The following RNF141 variants were observed in gnomAD, a reference collection of about 807,000 sequenced individuals.
RNF141 encodes the protein C3HC4-like zinc finger protein.
Under a neutral mutation model 27.4 loss-of-function variants are expected in RNF141, and 18 were observed. The ratio of observed to expected loss-of-function variants is 0.66; its 90% CI spans 0.45 to 0.97. The LOEUF (loss-of-function observed/expected upper bound fraction) is 0.97, where lower values mean the gene tolerates loss of function less well. Among genes scored for constraint, RNF141 ranks in the 50% least tolerant of loss-of-function variants. RNF141 has a pLI of 0.00. For synonymous variants in RNF141, 97 were observed against 96.6 expected, an observed-to-expected ratio of 1.00 and a Z score of -0.02; for missense variants, 230 against 279.4, an observed-to-expected ratio of 0.82 and a Z score of 1.26.
At position 10,513,033 on chromosome 11, in the gene RNF141, G is replaced by C. The variant is rs1380598680; in HGVS notation, c.*1883C>G. 6.6e-6 allele frequency: 1 copy of C among 152,164 alleles called. No homozygotes were observed. Among genetic ancestry groups the C allele is most frequent in the Non-Finnish European group, 1.5e-5 (1 of 68,020 alleles). The allele number at this position is 152,164 out of a possible 1,614,324, so 9.4% of individuals were successfully genotyped here. A position where few individuals can be genotyped will look rare whatever the true frequency, so the allele number is the denominator to read the frequency against. On this transcript the variant is annotated 3_prime_UTR_variant, in exon 6 of 6. Transcript: ENST00000265981. The stretch of plus-strand genomic sequence containing the variant: ...AAATAGTGTGAAAACCACAAATAAA[G>C]TCTCAGTTTCTAAAGTAAGAACACA...
At position 10,514,743 on chromosome 11, in the gene RNF141, G is replaced by A. The variant is rs191766011; in HGVS notation, c.*173C>T. 8.5e-5 allele frequency: 46 copies of A among 544,346 alleles called. No individual in the cohort carries two copies. The Middle Eastern group carries it at 1.3e-3, about 16-fold the overall frequency. The allele number at this position is 544,346 out of a possible 1,614,324, so 33.7% of individuals were successfully genotyped here. A position where few individuals can be genotyped will look rare whatever the true frequency, so the allele number is the denominator to read the frequency against. ...AGTAGCAAATTTTAGTACCACAAAT[G>A]GAAGACATGGGAAGTTTATTTTTAA... is the stretch of plus-strand genomic sequence containing the variant. On this transcript the variant is annotated 3_prime_UTR_variant, in exon 6 of 6. Coordinates refer to ENST00000265981, the MANE Select transcript of RNF141 (RefSeq NM_016422.4).
chr11:10,532,459 C>G (rs527568620), intron 2 of RNF141, among the ~76,000 whole-genome samples: 1 of 148,704 alleles, frequency 6.7e-6, no homozygotes, highest in African/African-American at 2.5e-5. Context: ...ATCTCCCAAC[C>G]GAGAGACAAG....
rs774644948 is a variant in RNF141, at chr11:10,534,126, C to T, written c.33G>A (p.Leu11=). The T allele has an allele frequency of 5.1e-5, 83 of 1,613,376 alleles. No homozygotes were observed. The highest frequency in any genetic ancestry group is 6.9e-5 in the Non-Finnish European group (81 of 1,179,572). ...CTTTTTCTGGTAACTTGTTAATAAC[C>T]AACTGTGTCTGATCCGAAATTTGCT... MGQQISDQTQ[L]VINKLPEKVA... The change falls in exon 2 of 6, where the codon TTG becomes TTA. Residue 11 remains leucine (L), a synonymous_variant. Transcript: ENST00000265981.
chr11:10,515,116 CA>C, intron 5 of RNF141, 50 bp from the exon 6 acceptor site: 1 of 1,558,532 alleles, frequency 6.4e-7, no homozygotes, highest in Non-Finnish European at 8.7e-7. Flanking sequence ...TTTTTAAAAA[CA>C]GGATTTTATT....
chr11:10,518,739 A>C (rs1849862165), intron 5 of RNF141: 1 of 266,340 alleles, frequency 3.8e-6, no homozygotes, highest in East Asian at 8.3e-5. Context: ...TGTAGAAATG[A>C]GGAGAAAAAA....
intron 5 of RNF141, 137 bp downstream of exon 5, chr11:10,518,897 A>C: frequency 1.8e-6 from 1 of 571,368 alleles, no homozygotes; most frequent in Non-Finnish European, 3.1e-6. Context: ...AGTAGAAGGC[A>C]TGCCATAAAA....
At chr11:10,538,125 T>G (rs544004257) in intron 1 of RNF141, among the ~76,000 whole-genome samples, 9 of 152,372 alleles carry the variant, frequency 5.9e-5, no homozygotes, top group Non-Finnish European at 1.3e-4. Context: ...TCAGCATTGT[T>G]TTCATCTGCT....
At chr11:10,523,243 A>C (rs1849904174) in intron 4 of RNF141, among the ~76,000 whole-genome samples, 1 of 152,232 alleles carries the variant, frequency 6.6e-6, no homozygotes, top group Admixed American at 6.5e-5. Context: ...CTGAGTAATA[A>C]ATTTTCAGAA....
chr11:10,525,758 G>A (rs1023276578), intron 3 of RNF141, among the ~76,000 whole-genome samples: 1 of 152,188 alleles, frequency 6.6e-6, no homozygotes, highest in African/African-American at 2.4e-5. Flanking sequence ...ACAACCGCAT[G>A]AGATTCTACA....
At chr11:10,530,424 C>CA (rs1488099170) in intron 3 of RNF141, among the ~76,000 whole-genome samples, 1 of 151,616 alleles carries the variant, frequency 6.6e-6, no homozygotes, top group Non-Finnish European at 1.5e-5. Flanking sequence ...GATATTGAGG[C>CA]AAAAAAGAAT....
At chr11:10,522,204 G>A (rs1455311566) in intron 4 of RNF141, among the ~76,000 whole-genome samples, 1 of 152,220 alleles carries the variant, frequency 6.6e-6, no homozygotes, top group Admixed American at 6.5e-5. Flanking sequence ...AGATGGATAT[G>A]GGTCTAATGT....
intron 3 of RNF141, among the ~76,000 whole-genome samples, chr11:10,527,794 G>A (rs1316726456): frequency 1.3e-5 from 2 of 152,166 alleles, no homozygotes; most frequent in Non-Finnish European, 2.9e-5. Context: ...AGATCAGTTA[G>A]GAGGCTACTG....
At chr11:10,529,586 C>T (rs967562646) in intron 3 of RNF141, among the ~76,000 whole-genome samples, 3 of 152,098 alleles carry the variant, frequency 2.0e-5, no homozygotes, top group Non-Finnish European at 4.4e-5. Context: ...ATTTGGTAGG[C>T]AAGAAGGAAT....
chr11:10,522,444 C>T (rs981780814), intron 4 of RNF141, among the ~76,000 whole-genome samples: 13 of 152,194 alleles, frequency 8.5e-5, no homozygotes, highest in African/African-American at 3.1e-4. Flanking sequence ...GAGTCTTGTG[C>T]TGTTTGTTCC....
chr11:10,521,828 G>C lies in RNF141; in HGVS notation c.435-2687C>G, dbSNP rs186544087. Among the ~76,000 whole-genome samples, 750 of 152,248 alleles carry C rather than the reference G, an allele frequency of 4.9e-3. 13 individuals carry two copies. Among genetic ancestry groups the C allele is most frequent in the African/African-American group, 0.017 (709 of 41,554 alleles). The stretch of plus-strand genomic sequence containing the variant: ...AACCAGGAAGCTGGCATGATACTTG[G>C]GTATGGAAAACTGAGGAAAAAGATT... On this transcript the variant is annotated intron_variant, in intron 4 of 5. Coordinates refer to ENST00000265981, the MANE Select transcript of RNF141 (RefSeq NM_016422.4).
rs1039681627 is a variant in RNF141, at chr11:10,524,347, A to G, written c.434+845T>C. ...GGAGAATGGCGTGAACCCGGGAGGC[A>G]GAGCTTGCAGTGAGCCGAGATCGCG... On this transcript the variant is annotated intron_variant, in intron 4 of 5. Coordinates refer to ENST00000265981, the MANE Select transcript of RNF141 (RefSeq NM_016422.4). Among the ~76,000 whole-genome samples the G allele has an allele frequency of 2.6e-5, 4 of 152,288 alleles. No homozygotes were observed. In the East Asian group the frequency reaches 7.7e-4, roughly 29 times the overall value.
intron 4 of RNF141, among the ~76,000 whole-genome samples, chr11:10,522,085 C>A (rs1471347778): frequency 6.6e-6 from 1 of 152,098 alleles, no homozygotes; most frequent in Non-Finnish European, 1.5e-5. Context: ...GTCTAAGAAG[C>A]ATTATAAAAG....
At chr11:10,534,261 TC>T in intron 1 of RNF141, 56 bp from the exon 2 acceptor site, 1 of 1,257,812 alleles carries the variant, frequency 8.0e-7, no homozygotes, top group Non-Finnish European at 1.1e-6. Flanking sequence ...GGCAATATAC[TC>T]ATTCTTCAAA....
intron 4 of RNF141, among the ~76,000 whole-genome samples, chr11:10,520,642 A>C (rs1201445906): frequency 6.6e-6 from 1 of 152,256 alleles, no homozygotes; most frequent in Admixed American, 6.5e-5. Flanking sequence ...TAATAAATGC[A>C]TAAACCAGTA....
Sources: gnomAD v4.1 joint callset for allele counts (sites outside exome capture counted in the v4.1 genomes callset) on GRCh38, gnomAD v4.1.1 for gene constraint, MANE v1.5 for transcripts, NCBI Gene and HGNC (gene_info 2026-07-23, HGNC 2026-07-21) for gene names.